SLC5A6: variants seen among roughly 807,000 people sequenced by gnomAD.
SLC5A6 encodes solute carrier family 5 member 6, also known as sodium-dependent multivitamin transporter.
SLC5A6 carries 31 observed loss-of-function variants against 67.9 expected under a neutral mutation model. The ratio of observed to expected loss-of-function variants is 0.46; its 90% CI spans 0.34 to 0.62. The LOEUF (loss-of-function observed/expected upper bound fraction) is 0.62, where lower values mean the gene tolerates loss of function less well. SLC5A6 is among the 20% of genes least tolerant of loss of function. The pLI is 0.01. For missense variants in SLC5A6, 673 were observed against 812.8 expected (o/e 0.83, Z 2.09); for synonymous variants, 343 against 331.0 (o/e 1.04, Z -0.39).
intron 1 of SLC5A6, 128 bp downstream of exon 1, chr2:27,211,892 A>C: frequency 3.5e-6 from 1 of 286,908 alleles, no homozygotes; most frequent in Non-Finnish European, 6.3e-6. Context: ...CACGCTCTCC[A>C]GGCCCACCTG....
chr2:27,202,983 C>A, intron 11 of SLC5A6, 103 bp from the exon 12 acceptor site: 1 of 1,561,506 alleles, frequency 6.4e-7, no homozygotes. Context: ...CTCTGTCTCT[C>A]TGGAAACAAA....
rs1216349297 is a variant in SLC5A6 at position 27,204,783 on chromosome 2, G to C, written c.875+8C>G. On this transcript the variant is annotated splice_region_variant and intron_variant, in intron 8 of 16. Transcript: ENST00000310574. ...CTTGCTCCACTCCCTTCCTGTCCCTGCACTCACAGCACAGCAGCCTTCTCC... is the reference window on the plus strand; with the variant it reads ...CTTGCTCCACTCCCTTCCTGTCCCTCCACTCACAGCACAGCAGCCTTCTCC... The C allele has an allele frequency of 6.2e-7, 1 of 1,613,884 alleles. No homozygotes were observed. The highest frequency in any genetic ancestry group is 1.3e-5 in the African/African-American group (1 of 74,876).
Position 27,212,047 on chromosome 2 carries a change from C to A in SLC5A6, c.-235G>T. ...AGGGCGGATGGAGGGGCCCGAGTTT[C>A]TGCGAAGCCGCGACCTCGGCGTCCG... On this transcript the variant is annotated 5_prime_UTR_variant, in exon 1 of 17. Transcript: ENST00000310574. The A allele has an allele frequency of 2.0e-6, 2 of 985,540 alleles. No homozygotes were observed. Among genetic ancestry groups the A allele is most frequent in the Non-Finnish European group, 2.9e-6 (2 of 697,730 alleles). 61.0% of individuals were successfully genotyped at this position (985,540 alleles called of 1,614,324 possible). A position where few individuals can be genotyped will look rare whatever the true frequency, so the allele number is the denominator to read the frequency against.
chr2:27,203,370 AGTT>A, intron 10 of SLC5A6, 25 bp from the exon 11 acceptor site: 1 of 1,612,096 alleles, frequency 6.2e-7, no homozygotes, highest in Non-Finnish European at 8.5e-7. Context: ...GAGGATGAGG[AGTT>A]GAGCGAGGCA....
intron 2 of SLC5A6, among the ~76,000 whole-genome samples, chr2:27,210,291 G>A (rs1363640632): frequency 2.0e-5 from 3 of 152,208 alleles, no homozygotes; most frequent in East Asian, 3.8e-4. Context: ...GAACAGATCT[G>A]TAGTTTTCTA....
At chr2:27,210,660 T>C (rs1290183464) in intron 2 of SLC5A6, among the ~76,000 whole-genome samples, 21 of 149,676 alleles carry the variant, frequency 1.4e-4, no homozygotes, top group Non-Finnish European at 3.0e-4. Context: ...GCCAGGCTGG[T>C]CTCAAAACTC....
rs1673987644 is a variant in SLC5A6, at chr2:27,205,447, C to T, written c.637G>A (p.Gly213Arg). Residue 213 changes from glycine (G) to arginine (R), a missense_variant, in exon 7 of 17, where the codon GGG becomes AGG. Gly to Arg is a moderately radical substitution (Grantham distance 125, BLOSUM62 -2). Transcript: ENST00000310574. ...DVFQTLVMFL[G>R]QLAVIIVGSA... ...CCCACAATGATAACTGCCAGCTGCCCGAGGAACATGACCAGTGTCTGGAAC... is the reference window on the plus strand; with the variant it reads ...CCCACAATGATAACTGCCAGCTGCCTGAGGAACATGACCAGTGTCTGGAAC... The T allele has an allele frequency of 1.9e-6, 3 of 1,614,148 alleles. No homozygotes were observed. The highest frequency in any genetic ancestry group is 2.2e-5 in the East Asian group (1 of 44,886).
Position 27,212,237 on chromosome 2 carries a change from A to C in SLC5A6, c.-425T>G, listed in dbSNP as rs757279597. ...CAGCGCAGAGCTCCACGAGCAGGAAAAGCCCCCAAGCAGCCCCAGGGCGAC... is the reference window on the plus strand; with the variant it reads ...CAGCGCAGAGCTCCACGAGCAGGAACAGCCCCCAAGCAGCCCCAGGGCGAC... On this transcript the variant is annotated 5_prime_UTR_variant, in exon 1 of 17. Transcript: ENST00000310574. 1.9e-6 allele frequency: 3 copies of C among 1,561,232 alleles called. No individual in the cohort carries two copies. In the African/African-American group the frequency reaches 4.1e-5, roughly 21 times the overall value.
At chr2:27,210,500 G>C (rs1005858425) in intron 2 of SLC5A6, among the ~76,000 whole-genome samples, 2 of 150,762 alleles carry the variant, frequency 1.3e-5, no homozygotes, top group Non-Finnish European at 1.5e-5. Flanking sequence ...ACACGATCTC[G>C]GCTCACTGCA....
upstream of SLC5A6, chr2:27,212,283 A>G (rs1467491617): frequency 6.4e-7 from 1 of 1,553,550 alleles, no homozygotes; most frequent in Admixed American, 2.0e-5. Flanking sequence ...CGCTTAGGCC[A>G]CGCCCGGGGA....
rs898229448 is a variant in SLC5A6 at position 27,207,730 on chromosome 2, A to G, written c.-80T>C. 19 of 1,370,318 alleles carry G rather than the reference A, an allele frequency of 1.4e-5. No homozygotes were observed. The highest frequency in any genetic ancestry group is 2.0e-5 in the Admixed American group (1 of 49,904). The allele number at this position is 1,370,318 out of a possible 1,614,324, so 84.9% of individuals were successfully genotyped here. A position where few individuals can be genotyped will look rare whatever the true frequency, so the allele number is the denominator to read the frequency against. On this transcript the variant is annotated 5_prime_UTR_variant, in exon 3 of 17. Transcript: ENST00000310574. The surrounding 1 kb of genome is among the most constrained non-coding windows in gnomAD (Gnocchi z 5.5). ...GGGCAGGGGCGGATGTGTGGCTACAATCTGGCTTCCAGCCACAGTCTCACA... is the reference window on the plus strand; with the variant it reads ...GGGCAGGGGCGGATGTGTGGCTACAGTCTGGCTTCCAGCCACAGTCTCACA...
chr2:27,206,745 C>T lies in SLC5A6; in HGVS notation c.459+132G>A, dbSNP rs573717906. The T allele has an allele frequency of 8.8e-5, 80 of 905,028 alleles. No homozygotes were observed. The African/African-American group carries it at 1.1e-3, about 12-fold the overall frequency. 56.1% of individuals were successfully genotyped at this position (905,028 alleles called of 1,614,324 possible). ...CAGCAGGATGCCTCTGGGGTCCTCA[C>T]AGATGCTAACCTCTAGCAGGAATTT... On this transcript the variant is annotated intron_variant, in intron 4 of 16. Coordinates refer to ENST00000310574, the MANE Select transcript of SLC5A6 (RefSeq NM_021095.4).
chr2:27,209,406 A>G (rs1002085358), intron 2 of SLC5A6, among the ~76,000 whole-genome samples: 1 of 152,232 alleles, frequency 6.6e-6, no homozygotes, highest in Admixed American at 6.5e-5. Context: ...GTAATAATAC[A>G]TAATGAAGCT....
intron 2 of SLC5A6, among the ~76,000 whole-genome samples, chr2:27,208,943 A>T (rs998645029): frequency 6.6e-6 from 1 of 152,244 alleles, no homozygotes; most frequent in Non-Finnish European, 1.5e-5. Context: ...AACTGAAAAC[A>T]TGGGAAAGTT....
intron 13 of SLC5A6, 28 bp from the exon 14 acceptor site, chr2:27,201,875 C>CA (rs1558504000): frequency 6.2e-7 from 1 of 1,612,420 alleles, no homozygotes; most frequent in African/African-American, 1.3e-5. Flanking sequence ...AGGCCTGTCA[C>CA]AAGGCCAGTC....
intron 6 of SLC5A6, 82 bp downstream of exon 6, chr2:27,205,944 T>TA (rs1674029201): frequency 5.7e-6 from 6 of 1,046,328 alleles, no homozygotes; most frequent in Non-Finnish European, 8.9e-6. Context: ...ATTCTCAGCT[T>TA]ATCTCTTCTT....
chr2:27,204,594 CAA>C lies in SLC5A6; in HGVS notation c.876-6_876-5del. Reference sequence around the variant, plus strand: ...GGGGAACACTGCATAACAGGAGCTGCAAAAGAGGTCAGTGCCAGGAGGAGAGC... The same window carrying C: ...GGGGAACACTGCATAACAGGAGCTGCAAGAGGTCAGTGCCAGGAGGAGAGC... On this transcript the variant is annotated splice_polypyrimidine_tract_variant and splice_region_variant and intron_variant, in intron 8 of 16. Coordinates refer to ENST00000310574, the MANE Select transcript of SLC5A6 (RefSeq NM_021095.4). The C allele has an allele frequency of 1.9e-6, 3 of 1,613,790 alleles. No individual in the cohort carries two copies. Among genetic ancestry groups the C allele is most frequent in the Non-Finnish European group, 2.5e-6 (3 of 1,179,792 alleles).
At position 27,204,183 on chromosome 2, in the gene SLC5A6, A is replaced by G. The variant is rs114472457; in HGVS notation, c.1005+278T>C. 5.8e-3 allele frequency among the ~76,000 whole-genome samples: 884 copies of G among 152,212 alleles called. 8 individuals are homozygous for G. Among genetic ancestry groups the G allele is most frequent in the African/African-American group, 0.02 (840 of 41,532 alleles). ...AATGAGGCTGTTAGAGGCTTAGGTG[A>G]GACCAGGTATGTGATAGCTCCCAGC... is the stretch of plus-strand genomic sequence containing the variant. On this transcript the variant is annotated intron_variant, in intron 9 of 16. Transcript: ENST00000310574.
rs1674126998 is a variant in SLC5A6 at position 27,207,026 on chromosome 2, G to A, written c.394-84C>T. The A allele has an allele frequency of 9.5e-6, 12 of 1,263,962 alleles. No homozygotes were observed. The Admixed American group carries it at 2.0e-4, about 21-fold the overall frequency. The allele number at this position is 1,263,962 out of a possible 1,614,324, so 78.3% of individuals were successfully genotyped here. On this transcript the variant is annotated intron_variant, in intron 3 of 16. Coordinates refer to ENST00000310574, the MANE Select transcript of SLC5A6 (RefSeq NM_021095.4). The surrounding 1 kb of genome is among the most constrained non-coding windows in gnomAD (Gnocchi z 5.5). ...ATTCCCTCAAGATGCTCAGGAACATGAGGGAATATCCAACCCATACCCACT... is the reference window on the plus strand; with the variant it reads ...ATTCCCTCAAGATGCTCAGGAACATAAGGGAATATCCAACCCATACCCACT...
Sources: gnomAD v4.1 joint callset for allele counts (sites outside exome capture counted in the v4.1 genomes callset) on GRCh38, gnomAD v4.1.1 for gene constraint, Gnocchi (gnomAD v3.1) non-coding constraint, MANE v1.5 for transcripts, NCBI Gene and HGNC (gene_info 2026-07-23, HGNC 2026-07-21) for gene names.